Variants in ATP9A observed in about 807,000 individuals in gnomAD.
ATP9A encodes the protein probable phospholipid-transporting ATPase IIA.
A neutral mutation model predicts 144.1 loss-of-function variants in ATP9A; 52 were observed. That is an observed-to-expected ratio of 0.36 (90% CI 0.29 to 0.45). ATP9A has a LOEUF of 0.45. ATP9A is among the 20% of genes least tolerant of loss of function. The pLI is 1.00. For missense variants in ATP9A, 947 were observed against 1,392.7 expected, an observed-to-expected ratio of 0.68 and a Z score of 5.09; for synonymous variants, 582 against 557.4, an observed-to-expected ratio of 1.04 and a Z score of -0.62.
At chr20:51,658,516 C>CTTTTT (rs35371153) in intron 13 of ATP9A, among the ~76,000 whole-genome samples, 4 of 106,890 alleles carry the variant, frequency 3.7e-5, no homozygotes, top group East Asian at 3.0e-4. Flanking sequence ...CCTATGCTTC[C>CTTTTT]TTTTTTTTTT....
chr20:51,706,472 C>T (rs1343603973), intron 4 of ATP9A, among the ~76,000 whole-genome samples: 8 of 152,222 alleles, frequency 5.3e-5, no homozygotes, highest in Admixed American at 3.3e-4. Context: ...TAGAAGACTA[C>T]AGACTAGGCT....
intron 22 of ATP9A, among the ~76,000 whole-genome samples, chr20:51,615,128 ACTTT>A (rs1356308104): frequency 2.6e-5 from 4 of 151,870 alleles, no homozygotes; most frequent in Non-Finnish European, 5.9e-5. Context: ...TTATGATGTT[ACTTT>A]CTTTGTGTGG....
At chr20:51,722,875 G>C (rs190795783) in intron 3 of ATP9A, among the ~76,000 whole-genome samples, 1 of 152,290 alleles carries the variant, frequency 6.6e-6, no homozygotes, top group Non-Finnish European at 1.5e-5. Context: ...ATACGAAAAA[G>C]ATACTTGCAC....
rs1161132652 is a variant in ATP9A, at chr20:51,690,804, G to C, written c.658C>G (p.Arg220Gly). Residue 220 changes from arginine to glycine, a missense_variant, in exon 8 of 28, where the codon CGA becomes GGA. Coordinates refer to ENST00000338821, the MANE Select transcript of ATP9A (RefSeq NM_006045.3). ...LPTAADLLQI[R>G]SYVYAEEPNI... Reference sequence around the variant, plus strand: ...GGCTCTTCTGCGTACACATACGATCGAATCTGAAGAAGGTCCTGTTCAACA... The same window carrying C: ...GGCTCTTCTGCGTACACATACGATCCAATCTGAAGAAGGTCCTGTTCAACA... 1.9e-6 allele frequency: 3 copies of C among 1,613,952 alleles called. No individual in the cohort carries two copies. Among genetic ancestry groups the C allele is most frequent in the Non-Finnish European group, 2.5e-6 (3 of 1,179,988 alleles).
intron 15 of ATP9A, among the ~76,000 whole-genome samples, chr20:51,631,029 C>T (rs1416121725): frequency 6.6e-6 from 1 of 152,154 alleles, no homozygotes; most frequent in Non-Finnish European, 1.5e-5. Flanking sequence ...AAAAACCACG[C>T]TTCTATCTGT....
At chr20:51,754,517 G>C (rs550543224) in intron 1 of ATP9A, among the ~76,000 whole-genome samples, 1 of 151,874 alleles carries the variant, frequency 6.6e-6, no homozygotes, top group African/African-American at 2.4e-5. Context: ...AAAAAAAGAA[G>C]AATAAATTTC....
Position 51,599,141 on chromosome 20 carries a change from G to C in ATP9A, c.*2070C>G, listed in dbSNP as rs890121780. The C allele has an allele frequency of 2.6e-5, 4 of 152,182 alleles. No individual in the cohort carries two copies. The highest frequency in any genetic ancestry group is 3.2e-3 in the Middle Eastern group (1 of 316). The allele number at this position is 152,182 out of a possible 1,614,324, so 9.4% of individuals were successfully genotyped here. ...GAAACCTCTAAAACTTTCTGACGAG[G>C]CTCCCACACGCCCTGCCTGCAGGAG... On this transcript the variant is annotated 3_prime_UTR_variant, in exon 28 of 28. Coordinates refer to ENST00000338821, the MANE Select transcript of ATP9A (RefSeq NM_006045.3).
At chr20:51,607,201 G>A (rs1298752075) in intron 26 of ATP9A, among the ~76,000 whole-genome samples, 2 of 152,228 alleles carry the variant, frequency 1.3e-5, no homozygotes, top group African/African-American at 2.4e-5. Flanking sequence ...CCAAAACTAC[G>A]ACTTGACCTG....
rs201390517 is a variant in ATP9A at position 51,657,112 on chromosome 20, G to A, written c.1332C>T (p.Leu444=). The change falls in exon 14 of 28, where the codon CTC becomes CTT. Residue 444 remains leucine, a synonymous_variant. Coordinates refer to ENST00000338821, the MANE Select transcript of ATP9A (RefSeq NM_006045.3). ...TCATGGTCCGCCGGACCTTAGTGGT[G>A]AGCGTTGGGCCCTTCTGAGCCGGTG... ...QDPPAQKGPT[L]TTKVRRTMSS... 6.0e-5 allele frequency: 97 copies of A among 1,614,166 alleles called. No individual in the cohort carries two copies. In the East Asian group the frequency reaches 2.1e-3, roughly 35 times the overall value.
At chr20:51,620,781 G>T (rs1194420317) in intron 19 of ATP9A, among the ~76,000 whole-genome samples, 1 of 152,166 alleles carries the variant, frequency 6.6e-6, no homozygotes, top group Non-Finnish European at 1.5e-5. Context: ...GTCACACGGG[G>T]CTGAAAGGAG....
At position 51,690,861 on chromosome 20, in the gene ATP9A, C is replaced by A. The variant is rs773790227; in HGVS notation, c.643-42G>T. 5 of 1,501,628 alleles carry A rather than the reference C, an allele frequency of 3.3e-6. No individual in the cohort carries two copies. The South Asian group carries it at 5.6e-5, about 17-fold the overall frequency. The allele number at this position is 1,501,628 out of a possible 1,614,324, so 93.0% of individuals were successfully genotyped here. On this transcript the variant is annotated intron_variant, in intron 7 of 27. Coordinates refer to ENST00000338821, the MANE Select transcript of ATP9A (RefSeq NM_006045.3). Reference sequence around the variant, plus strand: ...ACATTCGGGAGTCAAAGTCAGTTCACAATGCAAGACTTCAGGAGGCATCCA... The same window carrying A: ...ACATTCGGGAGTCAAAGTCAGTTCAAAATGCAAGACTTCAGGAGGCATCCA...
intron 3 of ATP9A, among the ~76,000 whole-genome samples, chr20:51,714,940 C>G (rs1380373815): frequency 1.3e-5 from 2 of 152,220 alleles, no homozygotes; most frequent in Admixed American, 1.3e-4. Context: ...AATCTACTTC[C>G]AATCTAGATT....
Position 51,656,947 on chromosome 20 carries a change from G to A in ATP9A, c.1497C>T (p.Ser499=), listed in dbSNP as rs767977758. ...ACCTGCCCAGGTTTACCTCATCGGG[G>A]CTGGATGCCTGGTATACGCGGCAGG... The part of the protein sequence containing the change: ...EDSCRVYQAS[S]PDEVALVQWT... The change falls in exon 14 of 28, where the codon AGC becomes AGT. Residue 499 remains serine, a synonymous_variant. Coordinates refer to ENST00000338821, the MANE Select transcript of ATP9A (RefSeq NM_006045.3). 1.9e-6 allele frequency: 3 copies of A among 1,613,694 alleles called. No individual in the cohort carries two copies. Among genetic ancestry groups the A allele is most frequent in the East Asian group, 4.5e-5 (2 of 44,874 alleles).
At chr20:51,757,085 G>A (rs935485805) in intron 1 of ATP9A, among the ~76,000 whole-genome samples, 1 of 152,162 alleles carries the variant, frequency 6.6e-6, no homozygotes, top group Non-Finnish European at 1.5e-5. Context: ...GATGGCACTG[G>A]CATCTAGTGG....
intron 1 of ATP9A, among the ~76,000 whole-genome samples, chr20:51,756,117 G>A (rs999475212): frequency 6.6e-6 from 1 of 152,144 alleles, no homozygotes; most frequent in African/African-American, 2.4e-5. Flanking sequence ...TAGACTGGAT[G>A]GCTTAAACAA....
At chr20:51,745,685 C>G (rs574686920) in intron 1 of ATP9A, among the ~76,000 whole-genome samples, 7 of 152,102 alleles carry the variant, frequency 4.6e-5, no homozygotes, top group Admixed American at 2.0e-4. Flanking sequence ...AATAGTCCTG[C>G]GGTGGAGAGC....
chr20:51,676,515 G>C (rs2077477883), intron 9 of ATP9A, among the ~76,000 whole-genome samples: 2 of 152,216 alleles, frequency 1.3e-5, no homozygotes, highest in African/African-American at 4.8e-5. Context: ...TTTTACTCTT[G>C]TTCCCCAGGC....
chr20:51,670,186 T>C (rs2122786578), intron 12 of ATP9A, 77 bp from the exon 13 acceptor site: 2 of 1,175,792 alleles, frequency 1.7e-6, no homozygotes, highest in Non-Finnish European at 2.5e-6. Context: ...ACAGCTGCCA[T>C]CTTTGGAGAG....
chr20:51,627,835 G>T, intron 16 of ATP9A, 152 bp from the exon 17 acceptor site: 1 of 690,384 alleles, frequency 1.4e-6, no homozygotes, highest in East Asian at 2.5e-5. Flanking sequence ...ATCCTCCCTG[G>T]AGCAAGCTTT....
Sources: allele counts gnomAD v4.1 joint callset (sites outside exome capture counted in the v4.1 genomes callset), GRCh38; gene constraint gnomAD v4.1.1; transcripts MANE v1.5; gene names NCBI Gene and HGNC (gene_info 2026-07-23, HGNC 2026-07-21).